TUSC3: variants seen among roughly 807,000 people sequenced by gnomAD.
TUSC3 encodes the protein tumor suppressor candidate 3.
A neutral mutation model predicts 44.8 loss-of-function variants in TUSC3; 45 were observed. The observed-to-expected ratio is 1.00, with a 90% CI of 0.79 to 1.29. The LOEUF is 1.29. TUSC3 is among the 50% of genes most tolerant of loss of function. The pLI, the probability that TUSC3 is intolerant of heterozygous loss-of-function variation, is 0.00. For synonymous variants in TUSC3, 212 were observed against 152.9 expected (o/e 1.39, Z -2.85); for missense variants, 519 against 437.9 (o/e 1.19, Z -1.65).
At chr8:15,522,539 GC>G (rs1184584656) in intron 2 of TUSC3, among the ~76,000 whole-genome samples, 6 of 148,856 alleles carry the variant, frequency 4.0e-5, no homozygotes, top group African/African-American at 1.5e-4. Context: ...AGCCTATTCA[GC>G]CTTTTTTTTT....
chr8:15,798,089 C>T, the TUSC3 span, among the ~76,000 whole-genome samples: 1 of 152,188 alleles, frequency 6.6e-6, no homozygotes, highest in Non-Finnish European at 1.5e-5. Flanking sequence ...CTATGTCCCA[C>T]TAGGGGTTCT....
chr8:15,634,172 T>A (rs1347217045), intron 2 of TUSC3, among the ~76,000 whole-genome samples: 1 of 151,800 alleles, frequency 6.6e-6, no homozygotes, highest in African/African-American at 2.4e-5. Flanking sequence ...CCCTGGGGAG[T>A]GTATGTAGTG....
chr8:15,605,126 G>C (rs983167159), intron 1 of TUSC3, among the ~76,000 whole-genome samples: 1 of 151,816 alleles, frequency 6.6e-6, no homozygotes, highest in Non-Finnish European at 1.5e-5. Context: ...TTCTCAAATA[G>C]CAGCCTGACC....
At chr8:15,641,086 C>T (rs553071194) in intron 2 of TUSC3, among the ~76,000 whole-genome samples, 31 of 152,138 alleles carry the variant, frequency 2.0e-4, no homozygotes, top group Non-Finnish European at 2.9e-4. Flanking sequence ...TGAGGCCGGG[C>T]GCGGTGGCTC....
intron 3 of TUSC3, among the ~76,000 whole-genome samples, chr8:15,654,920 T>A (rs1321419914): frequency 2.0e-5 from 3 of 152,212 alleles, no homozygotes; most frequent in Non-Finnish European, 1.5e-5. Flanking sequence ...CATCTTTACT[T>A]CTTCATTGCT....
chr8:15,489,796 A>C (rs1354966180), intron 2 of TUSC3, among the ~76,000 whole-genome samples: 1 of 152,288 alleles, frequency 6.6e-6, no homozygotes, highest in Admixed American at 6.5e-5. Flanking sequence ...GGCCTAAAAT[A>C]GTTTTTCAGG....
intron 1 of TUSC3, among the ~76,000 whole-genome samples, chr8:15,467,137 T>C (rs888276202): frequency 6.6e-6 from 1 of 152,026 alleles, no homozygotes; most frequent in Non-Finnish European, 1.5e-5. Flanking sequence ...GTTATTAAAA[T>C]TACTAAAACC....
intron 1 of TUSC3, among the ~76,000 whole-genome samples, chr8:15,420,285 T>A (rs988063233): frequency 3.9e-5 from 6 of 151,936 alleles, no homozygotes; most frequent in African/African-American, 1.5e-4. Context: ...TCACTTGAGG[T>A]CAGAAGCTGG....
At chr8:15,508,704 A>C (rs1036967900) in intron 2 of TUSC3, among the ~76,000 whole-genome samples, 1 of 151,192 alleles carries the variant, frequency 6.6e-6, no homozygotes, top group Non-Finnish European at 1.5e-5. Flanking sequence ...CTTGTGATTC[A>C]CCCGCCTGGG....
chr8:15,574,489 C>T (rs1394588705), intron 1 of TUSC3, among the ~76,000 whole-genome samples: 1 of 152,044 alleles, frequency 6.6e-6, no homozygotes, highest in Non-Finnish European at 1.5e-5. Flanking sequence ...TAGGCCCTTT[C>T]CTGTAACTGG....
intron 2 of TUSC3, among the ~76,000 whole-genome samples, chr8:15,631,453 G>A (rs1024462794): frequency 6.6e-6 from 1 of 151,848 alleles, no homozygotes; most frequent in African/African-American, 2.4e-5. Flanking sequence ...TTAATTTCAA[G>A]CTTACAGAAA....
chr8:15,501,537 T>A (rs892187839), intron 2 of TUSC3, among the ~76,000 whole-genome samples: 1 of 152,202 alleles, frequency 6.6e-6, no homozygotes, highest in African/African-American at 2.4e-5. Flanking sequence ...TCTGGAATCA[T>A]GGTAGGTTTT....
intron 1 of TUSC3, among the ~76,000 whole-genome samples, chr8:15,589,471 A>C (rs1424770816): frequency 6.6e-5 from 10 of 152,210 alleles, no homozygotes; most frequent in Admixed American, 6.5e-4. Flanking sequence ...AGTTTTAGGA[A>C]GGAAAAGTAT....
At chr8:15,431,661 T>A (rs1188929284) in intron 1 of TUSC3, among the ~76,000 whole-genome samples, 1 of 151,584 alleles carries the variant, frequency 6.6e-6, no homozygotes, top group Non-Finnish European at 1.5e-5. Context: ...TGGATTCCAT[T>A]TTTTCTTGAC....
chr8:15,531,730 T>G (rs1463125361), intron 2 of TUSC3, among the ~76,000 whole-genome samples: 1 of 152,226 alleles, frequency 6.6e-6, no homozygotes, highest in African/African-American at 2.4e-5. Context: ...TGTTAATGTA[T>G]TTTGCTGCTA....
At chr8:15,757,298 T>A (rs553817154) in intron 9 of TUSC3, among the ~76,000 whole-genome samples, 1 of 152,260 alleles carries the variant, frequency 6.6e-6, no homozygotes, top group Admixed American at 6.5e-5. Context: ...GTTGGTTACC[T>A]TGAGATGAAA....
At chr8:15,672,901 C>G (rs773483426) in intron 5 of TUSC3, among the ~76,000 whole-genome samples, 8 of 152,044 alleles carry the variant, frequency 5.3e-5, no homozygotes, top group Non-Finnish European at 7.4e-5. Context: ...AAATGCCTAT[C>G]AGAGCCAGGA....
intron 1 of TUSC3, among the ~76,000 whole-genome samples, chr8:15,449,929 A>T (rs1229474354): frequency 6.6e-6 from 1 of 152,080 alleles, no homozygotes; most frequent in Non-Finnish European, 1.5e-5. Flanking sequence ...CAGTGTAGTC[A>T]TGCTGTACAG....
At chr8:15,420,583 G>C (rs907699700) in intron 1 of TUSC3, among the ~76,000 whole-genome samples, 13 of 141,716 alleles carry the variant, frequency 9.2e-5, no homozygotes, top group Admixed American at 3.4e-4. Context: ...TACCATTTTT[G>C]TCTGCCTCCA....
Sources: gnomAD v4.1 joint callset for allele counts (sites outside exome capture counted in the v4.1 genomes callset) on GRCh38, gnomAD v4.1.1 for gene constraint, MANE v1.5 for transcripts, NCBI Gene and HGNC (gene_info 2026-07-23, HGNC 2026-07-21) for gene names.